Variants in LMNTD1 observed in about 807,000 individuals in gnomAD.
LMNTD1 encodes the protein lamin tail domain containing 1, also known as lamin tail domain-containing protein 1.
LMNTD1 carries 35 observed loss-of-function variants against 50.9 expected under a neutral mutation model. That is an observed-to-expected ratio of 0.69 (90% CI 0.53 to 0.91). The LOEUF is 0.91. Among genes scored for constraint, LMNTD1 ranks in the 40% least tolerant of loss-of-function variants. The pLI is 0.00. For missense variants in LMNTD1, 470 were observed against 475.5 expected, an observed-to-expected ratio of 0.99 and a Z score of 0.11; for synonymous variants, 153 against 161.9, an observed-to-expected ratio of 0.94 and a Z score of 0.42.
intron 1 of LMNTD1, among the ~76,000 whole-genome samples, chr12:25,634,416 C>A (rs924612183): frequency 1.3e-5 from 2 of 152,138 alleles, no homozygotes; most frequent in Admixed American, 6.5e-5. Flanking sequence ...CCTTGATGAA[C>A]ATAGATGCTA....
At chr12:25,548,101 T>G (rs1943539556) in intron 3 of LMNTD1, among the ~76,000 whole-genome samples, 1 of 151,888 alleles carries the variant, frequency 6.6e-6, no homozygotes, top group African/African-American at 2.4e-5. Flanking sequence ...TATATGGGTT[T>G]TGGTCATCCT....
Position 25,575,804 on chromosome 12 carries a change from C to G in LMNTD1, c.59-29250G>C, listed in dbSNP as rs748321377. ...GCTGCACCCATTAACTCGTCACTTCCATTAGGTATATCTCCTAATGCTATC... is the reference window on the plus strand; with the variant it reads ...GCTGCACCCATTAACTCGTCACTTCGATTAGGTATATCTCCTAATGCTATC... On this transcript the variant is annotated intron_variant, in intron 1 of 7. Coordinates refer to the LMNTD1 transcript ENST00000445693. 2.0e-4 allele frequency among the ~76,000 whole-genome samples: 31 copies of G among 152,076 alleles called. 1 individual carries two copies. The highest frequency in any genetic ancestry group is 3.9e-4 in the Admixed American group (6 of 15,256).
At chr12:25,558,967 G>GTTT (rs71065955) in intron 1 of LMNTD1, among the ~76,000 whole-genome samples, 17 of 146,502 alleles carry the variant, frequency 1.2e-4, no homozygotes, top group Non-Finnish European at 2.1e-4. Flanking sequence ...TTGACTTACA[G>GTTT]TTTTTTTTTT....
intron 1 of LMNTD1, among the ~76,000 whole-genome samples, chr12:25,608,553 G>A (rs961834621): frequency 9.9e-5 from 15 of 152,272 alleles, no homozygotes; most frequent in Non-Finnish European, 2.2e-4. Flanking sequence ...CTCCGCATTT[G>A]CTTGTCTGTA....
intron 9 of LMNTD1, among the ~76,000 whole-genome samples, chr12:25,484,750 C>A (rs957162806): frequency 4.8e-5 from 7 of 144,390 alleles, no homozygotes; most frequent in Non-Finnish European, 1.0e-4. Flanking sequence ...TGAGAATATG[C>A]GGTGTTTGGT....
At chr12:25,573,172 T>C (rs1261585062) in intron 1 of LMNTD1, among the ~76,000 whole-genome samples, 1 of 152,174 alleles carries the variant, frequency 6.6e-6, no homozygotes, top group African/African-American at 2.4e-5. Flanking sequence ...CTGTTTGTTT[T>C]CCTTTCTTAT....
chr12:25,527,681 T>TATGTACACACAC (rs1463259109), intron 4 of LMNTD1, among the ~76,000 whole-genome samples: 1 of 32,356 alleles, frequency 3.1e-5, no homozygotes, highest in Non-Finnish European at 5.8e-5. Context: ...TATATATATA[T>TATGTACACACAC]ACACACACAC....
intron 8 of LMNTD1, among the ~76,000 whole-genome samples, chr12:25,510,595 T>C (rs1940192365): frequency 6.6e-6 from 1 of 152,172 alleles, no homozygotes; most frequent in South Asian, 2.1e-4. Flanking sequence ...TTACTTGTGC[T>C]CAGTCTTTCT....
chr12:25,608,765 AT>A (rs1396043169), intron 1 of LMNTD1, among the ~76,000 whole-genome samples: 1 of 152,024 alleles, frequency 6.6e-6, no homozygotes, highest in Non-Finnish European at 1.5e-5. Flanking sequence ...TTTTTCCTTC[AT>A]TTCAACCTTG....
chr12:25,631,269 C>T (rs829054), intron 1 of LMNTD1, among the ~76,000 whole-genome samples: 30,101 of 152,182 alleles, frequency 0.2, 3,605 homozygotes, highest in East Asian at 0.5. Context: ...CTGCCCACTG[C>T]TGGTTCTTCT....
intron 1 of LMNTD1, among the ~76,000 whole-genome samples, chr12:25,559,303 T>C (rs1592012988): frequency 6.6e-6 from 1 of 152,270 alleles, no homozygotes; most frequent in East Asian, 1.9e-4. Context: ...GTGTTTGGTT[T>C]TCTGTCCTTG....
chr12:25,627,535 G>A (rs12829194), intron 1 of LMNTD1, among the ~76,000 whole-genome samples: 12,672 of 152,178 alleles, frequency 0.083, 564 homozygotes, highest in Middle Eastern at 0.18. Context: ...AAGGGATCAC[G>A]CTTTGTAAAC....
chr12:25,559,883 T>A (rs535110894), intron 1 of LMNTD1, among the ~76,000 whole-genome samples: 2 of 152,300 alleles, frequency 1.3e-5, no homozygotes, highest in South Asian at 4.1e-4. Context: ...GCCCACTTTT[T>A]GATGGGGTTG....
chr12:25,515,188 A>ATT (rs5797138), intron 8 of LMNTD1, among the ~76,000 whole-genome samples: 2,812 of 151,264 alleles, frequency 0.019, 99 homozygotes, highest in African/African-American at 0.063. Context: ...GACTTGGTAA[A>ATT]TTTTTTTTTA....
chr12:25,645,988 G>T (rs1391072676), intron 1 of LMNTD1, among the ~76,000 whole-genome samples: 1 of 152,134 alleles, frequency 6.6e-6, no homozygotes, highest in Non-Finnish European at 1.5e-5. Flanking sequence ...GATTCTCCTT[G>T]TAGGGCCCTC....
intron 1 of LMNTD1, among the ~76,000 whole-genome samples, chr12:25,632,320 G>T (rs1442008709): frequency 6.6e-6 from 1 of 152,136 alleles, no homozygotes; most frequent in Non-Finnish European, 1.5e-5. Flanking sequence ...ATTGCAAAAA[G>T]CTCTCTGCCT....
intron 1 of LMNTD1, among the ~76,000 whole-genome samples, chr12:25,620,070 C>T (rs947071881): frequency 2.0e-5 from 3 of 152,154 alleles, no homozygotes; most frequent in Admixed American, 2.0e-4. Flanking sequence ...TCTCTTTTAA[C>T]TCTGCTTTAA....
At chr12:25,488,770 C>A (rs566528420) in intron 9 of LMNTD1, among the ~76,000 whole-genome samples, 49 of 152,194 alleles carry the variant, frequency 3.2e-4, no homozygotes, top group Non-Finnish European at 5.9e-4. Flanking sequence ...GTTTTATCTA[C>A]TTTTGGTCTT....
intron 9 of LMNTD1, chr12:25,499,736 G>GGA (rs759704115): frequency 6.2e-5 from 9 of 144,038 alleles, no homozygotes; most frequent in Non-Finnish European, 1.2e-4. Flanking sequence ...AAGTGTGATA[G>GGA]AAAAAAAAAA....
Sources: allele counts gnomAD v4.1 joint callset (sites outside exome capture counted in the v4.1 genomes callset), GRCh38; gene constraint gnomAD v4.1.1; transcripts MANE v1.5; gene names NCBI Gene and HGNC (gene_info 2026-07-23, HGNC 2026-07-21).